Variants in PIR observed in about 807,000 individuals in gnomAD.
PIR encodes the protein pirin.
A neutral mutation model predicts 24.2 loss-of-function variants in PIR; 22 were observed. The ratio of observed to expected loss-of-function variants is 0.91; its 90% CI spans 0.65 to 1.30. The LOEUF is 1.30. PIR is among the 50% of genes most tolerant of loss of function. The pLI, the probability that PIR is intolerant of heterozygous loss-of-function variation, is 0.00. For missense variants in PIR, 220 were observed against 220.3 expected, an observed-to-expected ratio of 1.00 and a Z score of 0.01; for synonymous variants, 80 against 79.6, an observed-to-expected ratio of 1.00 and a Z score of -0.03.
chrX:15,488,238 A>G (rs1418012529), intron 2 of PIR, among the ~76,000 whole-genome samples: 3 of 97,575 alleles, frequency 3.1e-5, no homozygotes, highest in African/African-American at 1.2e-4. Context: ...AGATCATGCC[A>G]TTGCACTCCA....
chrX:15,410,369 A>C (rs1289267460), intron 6 of PIR, among the ~76,000 whole-genome samples: 2 of 112,517 alleles, frequency 1.8e-5, no homozygotes. Flanking sequence ...GAAAAACTGC[A>C]TGCATTCCAT....
At chrX:15,478,179 G>A (rs771971522) in intron 3 of PIR, among the ~76,000 whole-genome samples, 8 of 111,533 alleles carry the variant, frequency 7.2e-5, no homozygotes, top group African/African-American at 1.3e-4. Context: ...CTCAGCTGAA[G>A]CAATTTATGA....
intron 1 of PIR, among the ~76,000 whole-genome samples, chrX:15,491,703 G>GT (rs902632001): frequency 2.7e-5 from 3 of 111,276 alleles, no homozygotes; most frequent in Non-Finnish European, 5.7e-5. Context: ...TCTTTTCTAT[G>GT]TTTAGGTATG....
intron 5 of PIR, among the ~76,000 whole-genome samples, chrX:15,445,468 G>T (rs866960981): frequency 1.3e-4 from 14 of 111,419 alleles, no homozygotes; most frequent in Admixed American, 7.6e-4. Flanking sequence ...AAACCAACAT[G>T]GCACATGTAT....
intron 5 of PIR, among the ~76,000 whole-genome samples, chrX:15,455,501 G>T (rs1921044889): frequency 8.9e-6 from 1 of 112,371 alleles, no homozygotes; most frequent in African/African-American, 3.2e-5. Context: ...GTTTCTTAAA[G>T]GTAGCAATCC....
chrX:15,472,406 C>G (rs1330883573), intron 3 of PIR, among the ~76,000 whole-genome samples: 1 of 111,603 alleles, frequency 9.0e-6, no homozygotes, highest in Non-Finnish European at 1.9e-5. Flanking sequence ...TGGAAACAAC[C>G]CAAGTGTCCA....
At chrX:15,484,640 T>C (rs932563646) in intron 2 of PIR, among the ~76,000 whole-genome samples, 3 of 111,674 alleles carry the variant, frequency 2.7e-5, no homozygotes, top group African/African-American at 9.8e-5. Flanking sequence ...AATACCTAAG[T>C]AATCCTGAAC....
chrX:15,413,909 T>C (rs770524760), intron 6 of PIR, among the ~76,000 whole-genome samples: 4 of 111,971 alleles, frequency 3.6e-5, no homozygotes, highest in Non-Finnish European at 7.5e-5. Flanking sequence ...GTAAGCACAA[T>C]TGCAGCCTAT....
Position 15,491,167 on chromosome X carries a change from G to C in PIR, c.91C>G (p.Pro31Ala). 1 of 1,186,926 alleles carries C rather than the reference G, an allele frequency of 8.4e-7. No homozygotes were observed. Among genetic ancestry groups the C allele is most frequent in the Non-Finnish European group, 1.1e-6 (1 of 873,975 alleles). ...GARVRRSIGR[P>A]ELKNLDPFLL... is the part of the protein sequence containing the mutation. ...CAGCCACCCAACTAGCATACCTCGG[G>C]TCTGCCAATGCTTCTCCGGACCCTC... The change falls in exon 2 of 10, where the codon CCC becomes GCC. Residue 31 changes from proline (P) to alanine (A), a missense_variant. Pro to Ala is a conservative substitution (Grantham distance 27). Transcript: ENST00000380420.
At position 15,475,459 on chromosome X, in the gene PIR, C is replaced by T. The variant is rs1922144338; in HGVS notation, c.189+4270G>A. ...CTAATAGTTCCTAAGTTTAATTAAACAGGAGTGACCAGTCATCTCAGTTTG... is the reference window on the plus strand; with the variant it reads ...CTAATAGTTCCTAAGTTTAATTAAATAGGAGTGACCAGTCATCTCAGTTTG... On this transcript the variant is annotated intron_variant, in intron 3 of 9. Transcript: ENST00000380420. 2.7e-5 allele frequency among the ~76,000 whole-genome samples: 3 copies of T among 111,370 alleles called. No individual in the cohort carries two copies. The Admixed American group carries it at 2.9e-4, about 11-fold the overall frequency.
intron 5 of PIR, among the ~76,000 whole-genome samples, chrX:15,454,608 G>C (rs1333702222): frequency 9.0e-6 from 1 of 111,653 alleles, no homozygotes; most frequent in Non-Finnish European, 1.9e-5. Flanking sequence ...CCATTGAGTG[G>C]TTGGTTAGTA....
At chrX:15,417,065 C>T (rs570286030) in intron 6 of PIR, among the ~76,000 whole-genome samples, 2 of 111,568 alleles carry the variant, frequency 1.8e-5, no homozygotes, top group Non-Finnish European at 3.8e-5. Context: ...TCCCCGCCCC[C>T]CTCCACCCCC....
chrX:15,440,486 A>G (rs1602270340), intron 5 of PIR, among the ~76,000 whole-genome samples: 1 of 110,549 alleles, frequency 9.0e-6, no homozygotes, highest in East Asian at 2.8e-4. Context: ...TGGAATAAAT[A>G]CTAGGAATGA....
At chrX:15,408,256 C>T (rs898938088) in intron 6 of PIR, among the ~76,000 whole-genome samples, 1 of 111,904 alleles carries the variant, frequency 8.9e-6, no homozygotes, top group African/African-American at 3.2e-5. Flanking sequence ...CGTACCCGGC[C>T]TGCTTTTTTG....
chrX:15,432,711 C>A (rs998041400), intron 5 of PIR, among the ~76,000 whole-genome samples: 6 of 111,990 alleles, frequency 5.4e-5, no homozygotes, highest in Non-Finnish European at 1.1e-4. Context: ...GAAGAAGAAC[C>A]AGATCCAATT....
chrX:15,394,209 A>G (rs1226936748), intron 8 of PIR, among the ~76,000 whole-genome samples: 1 of 111,934 alleles, frequency 8.9e-6, no homozygotes, highest in Non-Finnish European at 1.9e-5. Flanking sequence ...TTCATTGTTT[A>G]TACTTCTTGG....
At chrX:15,413,265 G>T (rs1569196986) in intron 6 of PIR, among the ~76,000 whole-genome samples, 1 of 111,641 alleles carries the variant, frequency 9.0e-6, no homozygotes, top group Non-Finnish European at 1.9e-5. Context: ...GGCCAGAGAA[G>T]GGTCATTGCT....
At chrX:15,453,909 C>T (rs1183663990) in intron 5 of PIR, among the ~76,000 whole-genome samples, 1 of 111,978 alleles carries the variant, frequency 8.9e-6, no homozygotes, top group Admixed American at 9.5e-5. Flanking sequence ...CAGTTCAACT[C>T]TTTTTCTAAA....
At chrX:15,425,402 T>A (rs1925272247) in intron 6 of PIR, among the ~76,000 whole-genome samples, 1 of 106,593 alleles carries the variant, frequency 9.4e-6, no homozygotes, top group Non-Finnish European at 1.9e-5. Context: ...GATTTTCTTT[T>A]CTTTCTTTCT....
Sources: gnomAD v4.1 joint callset for allele counts (sites outside exome capture counted in the v4.1 genomes callset) on GRCh38, gnomAD v4.1.1 for gene constraint, MANE v1.5 for transcripts, NCBI Gene and HGNC (gene_info 2026-07-23, HGNC 2026-07-21) for gene names.